USH2A: variants seen among roughly 807,000 people sequenced by gnomAD.
USH2A encodes usherin.
In USH2A, 443 loss-of-function variants were observed where a neutral mutation model predicts 538.9. That is an observed-to-expected ratio of 0.82 (90% CI 0.76 to 0.89). The LOEUF (loss-of-function observed/expected upper bound fraction) is 0.89, where lower values mean the gene tolerates loss of function less well. Among genes scored for constraint, USH2A ranks in the 40% least tolerant of loss-of-function variants. The pLI, the probability that USH2A is intolerant of heterozygous loss-of-function variation, is 0.00. For synonymous variants in USH2A, 2,413 were observed against 2,273.5 expected, an observed-to-expected ratio of 1.06 and a Z score of -1.75; for missense variants, 6,633 against 6,324.8, an observed-to-expected ratio of 1.05 and a Z score of -1.65.
Position 216,198,503 on chromosome 1 carries a change from T to C in USH2A, c.3893A>G (p.Gln1298Arg). 1 of 1,614,020 alleles carries C rather than the reference T, an allele frequency of 6.2e-7. No individual in the cohort carries two copies. The highest frequency in any genetic ancestry group is 8.5e-7 in the Non-Finnish European group (1 of 1,179,946). ...ETTSEESRVFQSSGWLSPHSF... is the reference protein window; with the variant it reads ...ETTSEESRVFRSSGWLSPHSF... ...ATGAGGACTGAGCCAACCACTGCTC[T>C]GAAAAACTCGACTTTCCTCAGATGT... The change falls in exon 18 of 72, where the codon CAG (glutamine) becomes CGG (arginine). Residue 1298 changes from glutamine to arginine, a missense_variant. Gln to Arg is a conservative substitution (Grantham distance 43). Coordinates refer to ENST00000307340, the MANE Select transcript of USH2A (RefSeq NM_206933.4).
chr1:215,925,880 C>T (rs1165623939), intron 38 of USH2A, among the ~76,000 whole-genome samples: 1 of 152,126 alleles, frequency 6.6e-6, no homozygotes, highest in Non-Finnish European at 1.5e-5. Flanking sequence ...AGCAAGCTTT[C>T]ACATTTTTGA....
chr1:216,202,272 G>A (rs142115503), intron 16 of USH2A, among the ~76,000 whole-genome samples: 26 of 152,284 alleles, frequency 1.7e-4, no homozygotes, highest in African/African-American at 5.5e-4. Flanking sequence ...AATGTTTGTA[G>A]CATCTGAAAA....
chr1:216,144,856 A>G (rs1166276996), intron 21 of USH2A, among the ~76,000 whole-genome samples: 1 of 152,104 alleles, frequency 6.6e-6, no homozygotes, highest in African/African-American at 2.4e-5. Context: ...GTCCATTCTC[A>G]GGTCTTCAAC....
intron 9 of USH2A, 83 bp from the exon 10 acceptor site, chr1:216,292,453 G>A (rs2037021235): frequency 7.0e-7 from 1 of 1,425,430 alleles, no homozygotes; most frequent in Non-Finnish European, 9.6e-7. Context: ...CCTTTCACCA[G>A]AAGTAAAGCA....
At chr1:216,070,732 T>C (rs1465104185) in intron 29 of USH2A, among the ~76,000 whole-genome samples, 1 of 151,988 alleles carries the variant, frequency 6.6e-6, no homozygotes, top group Non-Finnish European at 1.5e-5. Flanking sequence ...ATCACAAATG[T>C]GATTGTGTTG....
chr1:216,273,014 A>C (rs746968863), intron 11 of USH2A, among the ~76,000 whole-genome samples: 15 of 152,072 alleles, frequency 9.9e-5, no homozygotes, highest in Non-Finnish European at 1.9e-4. Flanking sequence ...CAACACAACA[A>C]CAGCAAAGCC....
intron 3 of USH2A, among the ~76,000 whole-genome samples, chr1:216,366,659 G>A (rs2038604860): frequency 6.6e-6 from 1 of 151,688 alleles, no homozygotes; most frequent in Non-Finnish European, 1.5e-5. Context: ...TTGGTAATAC[G>A]GATTATTTCA....
chr1:215,840,627 A>C (rs1663652887), intron 46 of USH2A, among the ~76,000 whole-genome samples: 1 of 152,128 alleles, frequency 6.6e-6, no homozygotes, highest in African/African-American at 2.4e-5. Context: ...TTTTCCATAG[A>C]ATAGGCCTTA....
At chr1:216,118,937 C>G (rs2033069538) in intron 21 of USH2A, among the ~76,000 whole-genome samples, 1 of 152,218 alleles carries the variant, frequency 6.6e-6, no homozygotes, top group Non-Finnish European at 1.5e-5. Flanking sequence ...CATTTCTGAA[C>G]TAGTGTTTAG....
At position 215,790,285 on chromosome 1, in the gene USH2A, G is replaced by C; in HGVS notation, c.9959-3C>G. On this transcript the variant is annotated splice_polypyrimidine_tract_variant and splice_region_variant and intron_variant, in intron 50 of 71. Coordinates refer to ENST00000307340, the MANE Select transcript of USH2A (RefSeq NM_206933.4). The stretch of plus-strand genomic sequence containing the variant: ...ATCCTGCCCACAACAGAACATACCT[G>C]CAACAATAAAATGTTATATATGAAT... The C allele has an allele frequency of 1.2e-6, 2 of 1,613,516 alleles. No individual in the cohort carries two copies. The highest frequency in any genetic ancestry group is 1.7e-6 in the Non-Finnish European group (2 of 1,179,792).
chr1:215,786,234 G>A (rs1490432926), intron 52 of USH2A, among the ~76,000 whole-genome samples: 1 of 152,166 alleles, frequency 6.6e-6, no homozygotes, highest in East Asian at 1.9e-4. Context: ...GTCATGCTTG[G>A]GTTTACCTCA....
intron 19 of USH2A, among the ~76,000 whole-genome samples, chr1:216,191,344 G>T (rs1373100806): frequency 6.6e-6 from 1 of 151,862 alleles, no homozygotes. Flanking sequence ...CTCTTTAGGG[G>T]TAAAATAAAA....
chr1:215,624,793 C>G lies in USH2A; in HGVS notation c.*988G>C, dbSNP rs1655954412. 6.6e-6 allele frequency: 1 copy of G among 152,028 alleles called. No homozygotes were observed. Among genetic ancestry groups the G allele is most frequent in the African/African-American group, 2.4e-5 (1 of 41,408 alleles). 9.4% of individuals were successfully genotyped at this position (152,028 alleles called of 1,614,324 possible). A position where few individuals can be genotyped will look rare whatever the true frequency, so the allele number is the denominator to read the frequency against. On this transcript the variant is annotated 3_prime_UTR_variant, in exon 72 of 72. Coordinates refer to ENST00000307340, the MANE Select transcript of USH2A (RefSeq NM_206933.4). ...TATACATGATATACATATATATACA[C>G]ATAGGTATAGTCTTGTCTCTACATG... is the stretch of plus-strand genomic sequence containing the variant.
At chr1:215,925,347 A>G (rs1352004422) in intron 38 of USH2A, among the ~76,000 whole-genome samples, 1 of 152,118 alleles carries the variant, frequency 6.6e-6, no homozygotes. Context: ...AATACTTTTT[A>G]TTTGTTGAAT....
chr1:215,920,275 G>A (rs373132263), intron 38 of USH2A, among the ~76,000 whole-genome samples: 26 of 152,058 alleles, frequency 1.7e-4, no homozygotes, highest in African/African-American at 5.5e-4. Flanking sequence ...TACTAGTCAG[G>A]CGATATCTCC....
At chr1:216,079,460 G>A (rs2031858462) in intron 26 of USH2A, among the ~76,000 whole-genome samples, 1 of 152,128 alleles carries the variant, frequency 6.6e-6, no homozygotes, top group African/African-American at 2.4e-5. Flanking sequence ...AAGATTCATG[G>A]AGGGTCCCCC....
intron 13 of USH2A, among the ~76,000 whole-genome samples, chr1:216,241,828 G>GA (rs2035944266): frequency 6.6e-6 from 1 of 152,108 alleles, no homozygotes; most frequent in Non-Finnish European, 1.5e-5. Context: ...CACCATGTGC[G>GA]GCCATTAGGA....
intron 21 of USH2A, among the ~76,000 whole-genome samples, chr1:216,111,488 A>G (rs1216378679): frequency 1.3e-5 from 2 of 152,080 alleles, no homozygotes; most frequent in Non-Finnish European, 2.9e-5. Flanking sequence ...AAATGAGTAG[A>G]GCTTACGGAT....
chr1:216,233,630 C>T (rs538101804), intron 13 of USH2A, among the ~76,000 whole-genome samples: 2 of 151,722 alleles, frequency 1.3e-5, no homozygotes, highest in African/African-American at 4.8e-5. Context: ...AGTACACACA[C>T]AAAAAAAGCC....
Sources: gnomAD v4.1 joint callset for allele counts (sites outside exome capture counted in the v4.1 genomes callset) on GRCh38, gnomAD v4.1.1 for gene constraint, MANE v1.5 for transcripts, NCBI Gene and HGNC (gene_info 2026-07-23, HGNC 2026-07-21) for gene names.